BLM: variants seen among roughly 807,000 people sequenced by gnomAD.
BLM encodes recQ-like DNA helicase BLM.
BLM carries 95 observed loss-of-function variants against 135.3 expected under a neutral mutation model. The observed-to-expected ratio is 0.70, with a 90% CI of 0.59 to 0.83. The LOEUF is 0.83. Among genes scored for constraint, BLM ranks in the 40% least tolerant of loss-of-function variants. The probability of loss-of-function intolerance (pLI) is 0.00; values close to 1 mark genes in which losing one functional copy is unlikely to be tolerated. For synonymous variants in BLM, 520 were observed against 589.2 expected (o/e 0.88, Z 1.70); for missense variants, 1,518 against 1,663.9 (o/e 0.91, Z 1.53).
At chr15:90,742,335 C>A (rs185356345) in intron 1 of BLM, among the ~76,000 whole-genome samples, 7 of 152,218 alleles carry the variant, frequency 4.6e-5, no homozygotes, top group Non-Finnish European at 8.8e-5. Flanking sequence ...AGGAACCACC[C>A]CCTAAAATCT....
chr15:90,735,962 G>A (rs909226085), intron 1 of BLM, among the ~76,000 whole-genome samples: 1 of 152,180 alleles, frequency 6.6e-6, no homozygotes, highest in Non-Finnish European at 1.5e-5. Flanking sequence ...CAGAATACAT[G>A]AGCAGATACA....
chr15:90,790,619 G>A, intron 14 of BLM, 30 bp from the exon 15 acceptor site: 1 of 1,598,650 alleles, frequency 6.3e-7, no homozygotes, highest in Non-Finnish European at 8.6e-7. Context: ...TGTGCCTTAT[G>A]AATCTAATAA....
intron 7 of BLM, among the ~76,000 whole-genome samples, chr15:90,761,786 A>G (rs1320408673): frequency 1.3e-5 from 2 of 152,170 alleles, no homozygotes; most frequent in Non-Finnish European, 2.9e-5. Context: ...GCCATGTGCT[A>G]TGTTGGGCGC....
intron 19 of BLM, among the ~76,000 whole-genome samples, chr15:90,804,839 T>C (rs1379512429): frequency 1.3e-5 from 2 of 152,128 alleles, no homozygotes; most frequent in Non-Finnish European, 2.9e-5. Flanking sequence ...ACTTATTCTT[T>C]TTTTGTTTGT....
intron 14 of BLM, 145 bp from the exon 15 acceptor site, chr15:90,790,504 G>A: frequency 2.6e-6 from 2 of 757,450 alleles, no homozygotes; most frequent in Non-Finnish European, 4.4e-6. Flanking sequence ...ATACTAAATA[G>A]TTGGACCAAG....
intron 15 of BLM, chr15:90,793,693 G>A (rs1261454043): frequency 6.5e-6 from 1 of 152,872 alleles, no homozygotes; most frequent in African/African-American, 2.4e-5. Flanking sequence ...TTCAACAGAT[G>A]TTAGGCATTG....
In BLM at chr15:90,719,370, G is replaced by A. The variant is rs546469924; in HGVS notation, c.-5+1930G>A. 3.3e-5 allele frequency among the ~76,000 whole-genome samples: 5 copies of A among 152,260 alleles called. No homozygotes were observed. In the South Asian group the frequency reaches 1.0e-3, roughly 32 times the overall value. On this transcript the variant is annotated intron_variant, in intron 1 of 21. Coordinates refer to ENST00000355112, the MANE Select transcript of BLM (RefSeq NM_000057.4). ...TAATCCCAGCACTTTGGGAGGATGA[G>A]GCGGGCGAATCACCTGAGGCCAGGA...
intron 3 of BLM, among the ~76,000 whole-genome samples, chr15:90,750,325 G>C (rs1895647999): frequency 6.6e-6 from 1 of 152,104 alleles, no homozygotes. Flanking sequence ...GTTTCCCCTT[G>C]TCCACAGCTT....
chr15:90,781,031 T>C (rs1225701354), intron 12 of BLM, among the ~76,000 whole-genome samples: 1 of 152,072 alleles, frequency 6.6e-6, no homozygotes, highest in Non-Finnish European at 1.5e-5. Context: ...TTGTTTAAGA[T>C]TCACAGAACA....
intron 12 of BLM, among the ~76,000 whole-genome samples, chr15:90,773,914 G>C (rs1896397681): frequency 6.6e-6 from 1 of 151,758 alleles, no homozygotes; most frequent in Non-Finnish European, 1.5e-5. Context: ...TCAGTGTTTT[G>C]GTTTTTTTGA....
At position 90,769,294 on chromosome 15, in the gene BLM, T is replaced by C. The variant is rs1238917998; in HGVS notation, c.2406+63T>C. The C allele has an allele frequency of 5.2e-6, 8 of 1,543,340 alleles. No individual in the cohort carries two copies. The East Asian group carries it at 1.8e-4, about 35-fold the overall frequency. ...TACATACTACCAACAATATATGTAT[T>C]TACTGAATAAAAACCCACACTGAGT... On this transcript the variant is annotated intron_variant, in intron 11 of 21. Transcript: ENST00000355112.
chr15:90,758,631 TCTC>T (rs1253156234), intron 5 of BLM, among the ~76,000 whole-genome samples: 1 of 152,192 alleles, frequency 6.6e-6, no homozygotes, highest in African/African-American at 2.4e-5. Flanking sequence ...TTCCCTTCTC[TCTC>T]CTCTCTTCTG....
At position 90,760,218 on chromosome 15, in the gene BLM, CCTGATGATAAA is replaced by C; in HGVS notation, c.1164_1174del (p.Asp388GlufsTer26). 6.2e-7 allele frequency: 1 copy of C among 1,613,770 alleles called. No homozygotes were observed. Among genetic ancestry groups the C allele is most frequent in the Non-Finnish European group, 8.5e-7 (1 of 1,179,820 alleles). ...CATCTGTAAATTAATTGATACTATT[CCTGATGATAAA>C]CTGAAACTTTTGGATTGTGGGAACG... On this transcript the variant is annotated frameshift_variant, in exon 6 of 22. Transcript: ENST00000355112. LOFTEE classifies it high-confidence loss of function.
chr15:90,797,414 CAAAAAAAAA>C (rs56369282), intron 16 of BLM, among the ~76,000 whole-genome samples: 5 of 109,576 alleles, frequency 4.6e-5, no homozygotes, highest in South Asian at 5.8e-4. Context: ...AACTCCATCT[CAAAAAAAAA>C]AAAAAAAAAA....
intron 4 of BLM, among the ~76,000 whole-genome samples, chr15:90,754,521 C>T (rs192267688): frequency 2.0e-5 from 3 of 152,114 alleles, no homozygotes; most frequent in Admixed American, 6.5e-5. Flanking sequence ...TGGCAAAATC[C>T]CCAAAATAGG....
chr15:90,767,642 G>A (rs548797267), intron 10 of BLM, among the ~76,000 whole-genome samples: 4 of 152,320 alleles, frequency 2.6e-5, no homozygotes, highest in African/African-American at 9.6e-5. Flanking sequence ...GGCACTTGAT[G>A]TCGATTCGTC....
At chr15:90,762,827 A>G (rs1896020958) in intron 7 of BLM, 139 bp from the exon 8 acceptor site, 2 of 816,860 alleles carry the variant, frequency 2.4e-6, no homozygotes, top group South Asian at 1.8e-5. Flanking sequence ...ACTTGTAGGG[A>G]AGGAAAGCCA....
chr15:90,721,540 C>A (rs1348237682), intron 1 of BLM, among the ~76,000 whole-genome samples: 1 of 152,060 alleles, frequency 6.6e-6, no homozygotes, highest in African/African-American at 2.4e-5. Flanking sequence ...TCAGGCTGGT[C>A]TCAAACTCCT....
rs147171065 is a variant in BLM, at chr15:90,738,648, G to A, written c.-4-8741G>A. Among the ~76,000 whole-genome samples the A allele has an allele frequency of 8.7e-4, 132 of 152,182 alleles. 1 individual carries two copies. Among genetic ancestry groups the A allele is most frequent in the African/African-American group, 3.0e-3 (126 of 41,526 alleles). On this transcript the variant is annotated intron_variant, in intron 1 of 21. Transcript: ENST00000355112. The stretch of plus-strand genomic sequence containing the variant: ...TAACCCATTTAGAAAATAGAGAAAG[G>A]ACTCGAATAGACACTTCACCAAAGA...
Sources: gnomAD v4.1 joint callset for allele counts (sites outside exome capture counted in the v4.1 genomes callset) on GRCh38, gnomAD v4.1.1 for gene constraint, MANE v1.5 for transcripts, NCBI Gene and HGNC (gene_info 2026-07-23, HGNC 2026-07-21) for gene names.